Variants in ANKRD55 observed in about 807,000 individuals in gnomAD.
ANKRD55 encodes ankyrin repeat domain 55.
A neutral mutation model predicts 60.6 loss-of-function variants in ANKRD55; 41 were observed. That is an observed-to-expected ratio of 0.68 (90% CI 0.53 to 0.88). ANKRD55 has a LOEUF of 0.88. Among genes scored for constraint, ANKRD55 ranks in the 40% least tolerant of loss-of-function variants. The probability of loss-of-function intolerance (pLI) is 0.00; values close to 1 mark genes in which losing one functional copy is unlikely to be tolerated. For missense variants in ANKRD55, 732 were observed against 767.6 expected (o/e 0.95, Z 0.55); for synonymous variants, 264 against 290.3 (o/e 0.91, Z 0.92).
intron 7 of ANKRD55, among the ~76,000 whole-genome samples, chr5:56,138,375 C>G (rs865877541): frequency 2.6e-4 from 40 of 152,238 alleles, no homozygotes; most frequent in African/African-American, 8.9e-4. Flanking sequence ...ATCCGCCCGC[C>G]TTGGCCTCCC....
At position 56,193,634 on chromosome 5, in the gene ANKRD55, C is replaced by T. The variant is rs1362379004; in HGVS notation, c.59-10000G>A. 9 of 290,420 alleles carry T rather than the reference C, an allele frequency of 3.1e-5. No homozygotes were observed. The Admixed American group carries it at 3.1e-4, about 10-fold the overall frequency. 18.0% of individuals were successfully genotyped at this position (290,420 alleles called of 1,614,324 possible). On this transcript the variant is annotated intron_variant, in intron 2 of 11. Transcript: ENST00000341048. ...GGCACAAAAGTGAAGTCAGGAAACC[C>T]TTGAAAGAAAATCATGAATGAACAA...
At chr5:56,130,216 T>C (rs115491455) in intron 7 of ANKRD55, among the ~76,000 whole-genome samples, 2,143 of 152,254 alleles carry the variant, frequency 0.014, 42 homozygotes, top group Admixed American at 0.041. Context: ...GAGCACTCTG[T>C]TCTTCTTAAT....
intron 8 of ANKRD55, among the ~76,000 whole-genome samples, chr5:56,121,374 CTTTT>C (rs35793814): frequency 1.5e-5 from 2 of 130,662 alleles, no homozygotes; most frequent in Non-Finnish European, 1.6e-5. Flanking sequence ...TGTTCCACCA[CTTTT>C]TTTTTTTTTT....
chr5:56,126,613 C>T (rs1580959773), intron 8 of ANKRD55, among the ~76,000 whole-genome samples: 2 of 151,136 alleles, frequency 1.3e-5, no homozygotes, highest in African/African-American at 4.9e-5. Flanking sequence ...ACAACCAAAA[C>T]CTACCTTTAG....
chr5:56,178,379 A>G (rs1415432423), intron 3 of ANKRD55, among the ~76,000 whole-genome samples: 2 of 151,654 alleles, frequency 1.3e-5, no homozygotes, highest in Admixed American at 1.3e-4. Flanking sequence ...GTTTAAAATA[A>G]TTTTCCTGAG....
chr5:56,104,116 G>A (rs1224576227), intron 10 of ANKRD55, among the ~76,000 whole-genome samples: 1 of 152,116 alleles, frequency 6.6e-6, no homozygotes, highest in Admixed American at 6.5e-5. Flanking sequence ...GAACACTTGA[G>A]CAGAAATTTG....
intron 8 of ANKRD55, among the ~76,000 whole-genome samples, chr5:56,121,454 C>G (rs1007232177): frequency 4.7e-5 from 7 of 148,040 alleles, no homozygotes; most frequent in South Asian, 2.1e-4. Flanking sequence ...CTCACTGCAA[C>G]CTCCGCCCCT....
Position 56,110,964 on chromosome 5 carries a change from C to T in ANKRD55, c.1630+154G>A, listed in dbSNP as rs1346632246. On this transcript the variant is annotated intron_variant, in intron 10 of 11. Coordinates refer to ENST00000341048, the MANE Select transcript of ANKRD55 (RefSeq NM_024669.3). ...TTTTCACAGCTCAGAAATCTCAAAT[C>T]CAGTGCACTTTGGGAGAAAAGGTGG... 7.3e-6 allele frequency: 6 copies of T among 825,664 alleles called. No individual in the cohort carries two copies. In the African/African-American group the frequency reaches 8.6e-5, roughly 12 times the overall value. The allele number at this position is 825,664 out of a possible 1,614,324, so 51.1% of individuals were successfully genotyped here. A position where few individuals can be genotyped will look rare whatever the true frequency, so the allele number is the denominator to read the frequency against.
chr5:56,115,634 C>T lies in ANKRD55; in HGVS notation c.965+981G>A, dbSNP rs573649859. 6.0e-4 allele frequency among the ~76,000 whole-genome samples: 91 copies of T among 152,056 alleles called. 1 individual carries two copies. Among genetic ancestry groups the T allele is most frequent in the Admixed American group, 1.0e-3 (16 of 15,252 alleles). On this transcript the variant is annotated intron_variant, in intron 9 of 11. Coordinates refer to ENST00000341048, the MANE Select transcript of ANKRD55 (RefSeq NM_024669.3). Reference sequence around the variant, plus strand: ...ACCATGCCCAGCCCGCAGCTGTATTCTATTAAGCTTGTATTAAGCTACCAA... The same window carrying T: ...ACCATGCCCAGCCCGCAGCTGTATTTTATTAAGCTTGTATTAAGCTACCAA...
intron 2 of ANKRD55, among the ~76,000 whole-genome samples, chr5:56,192,212 C>A (rs36749): frequency 0.33 from 50,728 of 152,046 alleles, 9,979 homozygotes; most frequent in East Asian, 0.6. Context: ...TTGCCTCTCT[C>A]ACTGCTTTAA....
intron 10 of ANKRD55, chr5:56,108,236 C>T (rs1286416096): frequency 1.3e-5 from 2 of 152,186 alleles, no homozygotes; most frequent in African/African-American, 4.8e-5. Flanking sequence ...TTACAGGAAG[C>T]TGAACCCCAT....
rs1459255212 is a variant in ANKRD55, at chr5:56,127,051, A to T, written c.668T>A (p.Ile223Lys). 1.9e-6 allele frequency: 3 copies of T among 1,613,894 alleles called. No homozygotes were observed. The highest frequency in any genetic ancestry group is 1.7e-6 in the Non-Finnish European group (2 of 1,179,872). The change falls in exon 8 of 12, where the codon ATA becomes AAA. Residue 223 changes from isoleucine to lysine, a missense_variant. Ile to Lys is a moderately radical substitution (Grantham distance 102). Transcript: ENST00000341048. Reference protein sequence around the residue: ...IILSHHQGPSIINYDDESGKT... With the variant: ...IILSHHQGPSKINYDDESGKT... ...CCCACTCTCATCATCATAGTTGATT[A>T]TGGACGGCCCCTGGTGATGGCTCAG...
rs912210929 is a variant in ANKRD55 at position 56,121,593 on chromosome 5, G to A, written c.798-4811C>T. Among the ~76,000 whole-genome samples the A allele has an allele frequency of 7.9e-5, 12 of 151,898 alleles. No homozygotes were observed. The East Asian group carries it at 9.7e-4, about 12-fold the overall frequency. On this transcript the variant is annotated intron_variant, in intron 8 of 11. Transcript: ENST00000341048. ...TCACCATGTTGGCCAGGCTGGTCTC[G>A]ATCTCCTGACCTCGTGATCCACCCG...
intron 9 of ANKRD55, among the ~76,000 whole-genome samples, chr5:56,116,409 C>T (rs318804): frequency 0.3 from 45,509 of 152,072 alleles, 7,530 homozygotes; most frequent in Middle Eastern, 0.39. Context: ...TATCATTTTG[C>T]TCCAAGAGCA....
chr5:56,204,726 T>G (rs1278226445), intron 2 of ANKRD55, among the ~76,000 whole-genome samples: 1 of 152,234 alleles, frequency 6.6e-6, no homozygotes, highest in Non-Finnish European at 1.5e-5. Context: ...AATGGACTAA[T>G]ACAGGTAGGT....
At chr5:56,140,306 A>G (rs1234228104) in intron 7 of ANKRD55, among the ~76,000 whole-genome samples, 1 of 152,228 alleles carries the variant, frequency 6.6e-6, no homozygotes, top group Non-Finnish European at 1.5e-5. Context: ...TCTTTGCAGT[A>G]TAAATGGCAG....
chr5:56,220,893 GA>G (rs1169696496), intron 2 of ANKRD55, among the ~76,000 whole-genome samples: 1 of 152,042 alleles, frequency 6.6e-6, no homozygotes, highest in Admixed American at 6.5e-5. Context: ...TCAAGAACAG[GA>G]AAAAAAGATT....
chr5:56,155,808 C>G (rs1175027747), intron 6 of ANKRD55, among the ~76,000 whole-genome samples: 2 of 148,638 alleles, frequency 1.3e-5, no homozygotes, highest in Non-Finnish European at 3.0e-5. Flanking sequence ...TCGCACCATA[C>G]CACTGCACTG....
rs191473522 is a variant in ANKRD55 at position 56,145,602 on chromosome 5, C to A, written c.484-1673G>T. Among the ~76,000 whole-genome samples the A allele has an allele frequency of 5.0e-3, 768 of 152,334 alleles. 5 individuals carry two copies. Among genetic ancestry groups the A allele is most frequent in the Non-Finnish European group, 8.6e-3 (588 of 68,024 alleles). Reference sequence around the variant, plus strand: ...GTCGTTTGCTAGAGCAGTTAGCCAGCTCTGATAGGTGCCATTGTACTTCTC... The same window carrying A: ...GTCGTTTGCTAGAGCAGTTAGCCAGATCTGATAGGTGCCATTGTACTTCTC... On this transcript the variant is annotated intron_variant, in intron 6 of 11. Transcript: ENST00000341048.
Sources: allele counts gnomAD v4.1 joint callset (sites outside exome capture counted in the v4.1 genomes callset), GRCh38; gene constraint gnomAD v4.1.1; transcripts MANE v1.5; gene names NCBI Gene and HGNC (gene_info 2026-07-23, HGNC 2026-07-21).